CELF4: variants seen among roughly 807,000 people sequenced by gnomAD.
The protein encoded by CELF4 is CUGBP Elav-like family member 4, also known as CUG-BP- and ETR-3-like factor 4.
Under a neutral mutation model 59.9 loss-of-function variants are expected in CELF4, and 18 were observed. That is an observed-to-expected ratio of 0.30 (90% CI 0.21 to 0.45). CELF4 has a LOEUF of 0.45. Ranked by LOEUF, CELF4 falls within the 20% of genes least tolerant of loss-of-function variation. CELF4 has a pLI of 1.00. For missense variants in CELF4, 456 were observed against 689.0 expected (o/e 0.66, Z 3.79); for synonymous variants, 261 against 267.1 (o/e 0.98, Z 0.22).
At chr18:37,424,164 C>A (rs2099597707) in intron 2 of CELF4, among the ~76,000 whole-genome samples, 1 of 152,146 alleles carries the variant, frequency 6.6e-6, no homozygotes, top group African/African-American at 2.4e-5. Context: ...GTGGTTCCTG[C>A]AAGGGCCTGA....
intron 11 of CELF4, among the ~76,000 whole-genome samples, chr18:37,256,141 C>A (rs1242756961): frequency 6.6e-6 from 1 of 152,220 alleles, no homozygotes; most frequent in East Asian, 1.9e-4. Flanking sequence ...CTTCCTTCTT[C>A]CAGAGCTACC....
chr18:37,320,818 G>A (rs890979935), intron 3 of CELF4, among the ~76,000 whole-genome samples: 1 of 152,160 alleles, frequency 6.6e-6, no homozygotes, highest in South Asian at 2.1e-4. Context: ...GCAGGGGCCT[G>A]CACATTCTTC....
chr18:37,489,361 G>A (rs975109865), intron 1 of CELF4, among the ~76,000 whole-genome samples: 2 of 152,230 alleles, frequency 1.3e-5, no homozygotes, highest in Non-Finnish European at 2.9e-5. Context: ...GCTGCAGGAG[G>A]AGAATTTGCC....
chr18:37,258,899 C>A (rs1159602734), intron 11 of CELF4: 6 of 533,902 alleles, frequency 1.1e-5, no homozygotes, highest in African/African-American at 7.6e-5. Flanking sequence ...ATTTCTTGGA[C>A]CGGGAGTGGG....
chr18:37,302,785 A>G (rs184512879), intron 3 of CELF4, among the ~76,000 whole-genome samples: 10 of 152,270 alleles, frequency 6.6e-5, no homozygotes, highest in Admixed American at 5.9e-4. Context: ...AGCTTTCAGG[A>G]GGCAGAGGGT....
chr18:37,391,787 G>C (rs376313244), intron 2 of CELF4, among the ~76,000 whole-genome samples: 1 of 152,214 alleles, frequency 6.6e-6, no homozygotes, highest in Non-Finnish European at 1.5e-5. Flanking sequence ...CTGAGTGTCT[G>C]GGGGGAGATT....
At chr18:37,266,468 G>T (rs1013882926) in intron 9 of CELF4, 65 bp downstream of exon 9, 54 of 1,436,102 alleles carry the variant, frequency 3.8e-5, no homozygotes, top group Non-Finnish European at 5.1e-5. Context: ...GGGGGCACTG[G>T]TGTCACAGGC....
intron 1 of CELF4, among the ~76,000 whole-genome samples, chr18:37,506,745 C>A (rs936426295): frequency 1.3e-5 from 2 of 152,230 alleles, no homozygotes; most frequent in Non-Finnish European, 2.9e-5. Flanking sequence ...GCAGCAGCGC[C>A]ATTAAACGCA....
chr18:37,287,303 C>T (rs879523788), intron 3 of CELF4, among the ~76,000 whole-genome samples: 1 of 152,234 alleles, frequency 6.6e-6, no homozygotes, highest in Admixed American at 6.5e-5. Flanking sequence ...CCTGGCCCTC[C>T]ACCTGCCTGC....
intron 2 of CELF4, among the ~76,000 whole-genome samples, chr18:37,410,100 G>T (rs1343842286): frequency 4.6e-5 from 7 of 152,224 alleles, no homozygotes; most frequent in Admixed American, 4.6e-4. Context: ...CCGTGCCGAT[G>T]TGTGTGAGGT....
chr18:37,243,178 C>CTTTTTTTTTTTTT lies in CELF4; in HGVS notation c.*2063_*2064insAAAAAAAAAAAAA, dbSNP rs1274891298. On this transcript the variant is annotated 3_prime_UTR_variant, in exon 13 of 13. Transcript: ENST00000420428. Reference sequence around the variant, plus strand: ...ACTGCAGCTGTTTTCTTTTTTTTTTCTTTTTTTCTTTTTTTTTTTTTTTTT... The same window carrying CTTTTTTTTTTTTT: ...ACTGCAGCTGTTTTCTTTTTTTTTTCTTTTTTTTTTTTTTTTTTTTCTTTTTTTTTTTTTTTTT... 9.7e-6 allele frequency: 1 copy of CTTTTTTTTTTTTT among 103,272 alleles called. No individual in the cohort carries two copies. The highest frequency in any genetic ancestry group is 4.5e-5 in the African/African-American group (1 of 22,392). 6.4% of individuals were successfully genotyped at this position (103,272 alleles called of 1,614,324 possible).
chr18:37,266,684 T>C, intron 8 of CELF4, 86 bp from the exon 9 acceptor site: 2 of 1,179,164 alleles, frequency 1.7e-6, no homozygotes, highest in Middle Eastern at 2.3e-4. Context: ...GATGTAGCTG[T>C]ACTGCCTTTT....
chr18:37,334,435 G>T (rs1471410731), intron 2 of CELF4, among the ~76,000 whole-genome samples: 1 of 151,930 alleles, frequency 6.6e-6, no homozygotes, highest in Non-Finnish European at 1.5e-5. Flanking sequence ...CTGGCGAGGG[G>T]ATCTCTCCAG....
intron 2 of CELF4, among the ~76,000 whole-genome samples, chr18:37,475,747 G>C (rs1366766572): frequency 1.3e-5 from 2 of 152,206 alleles, no homozygotes; most frequent in African/African-American, 4.8e-5. Context: ...GCACAGCAGT[G>C]TGAGAAAAGC....
intron 2 of CELF4, among the ~76,000 whole-genome samples, chr18:37,434,434 G>A (rs1786796): frequency 0.12 from 17,781 of 152,204 alleles, 1,089 homozygotes; most frequent in Middle Eastern, 0.16. Context: ...TCAGGGGCTG[G>A]TACCAGTCAC....
At chr18:37,293,744 A>C (rs1356530747) in intron 3 of CELF4, among the ~76,000 whole-genome samples, 3 of 152,196 alleles carry the variant, frequency 2.0e-5, no homozygotes, top group Non-Finnish European at 4.4e-5. Context: ...ATGGTATCCT[A>C]AGAGGTTATC....
At chr18:37,453,833 G>C (rs2099770847) in intron 2 of CELF4, among the ~76,000 whole-genome samples, 1 of 152,164 alleles carries the variant, frequency 6.6e-6, no homozygotes, top group African/African-American at 2.4e-5. Context: ...TACCACCCTG[G>C]CACCTAATAA....
At chr18:37,496,081 C>G (rs1166025859) in intron 1 of CELF4, among the ~76,000 whole-genome samples, 1 of 152,086 alleles carries the variant, frequency 6.6e-6, no homozygotes, top group Non-Finnish European at 1.5e-5. Context: ...GAGTGCCTTC[C>G]CCACTCTTGG....
chr18:37,337,610 A>C (rs1295479958), intron 2 of CELF4, among the ~76,000 whole-genome samples: 2 of 152,196 alleles, frequency 1.3e-5, no homozygotes, highest in Non-Finnish European at 2.9e-5. Flanking sequence ...AGGCCCCCTC[A>C]GTGACTGAGG....
Sources: gnomAD v4.1 joint callset for allele counts (sites outside exome capture counted in the v4.1 genomes callset) on GRCh38, gnomAD v4.1.1 for gene constraint, MANE v1.5 for transcripts, NCBI Gene and HGNC (gene_info 2026-07-23, HGNC 2026-07-21) for gene names.